Variants in FANCM observed in about 807,000 individuals in gnomAD.
FANCM encodes Fanconi anemia group M protein.
FANCM carries 140 observed loss-of-function variants against 199.5 expected under a neutral mutation model. The observed-to-expected ratio is 0.70, with a 90% CI of 0.61 to 0.81. The LOEUF is 0.81. Among genes scored for constraint, FANCM ranks in the 30% least tolerant of loss-of-function variants. The pLI is 0.00. For missense variants in FANCM, 2,410 were observed against 2,421.4 expected (o/e 1.00, Z 0.10); for synonymous variants, 840 against 836.8 (o/e 1.00, Z -0.07).
intron 3 of FANCM, 78 bp from the exon 4 acceptor site, chr14:45,148,759 T>C: frequency 1.1e-6 from 1 of 903,424 alleles, no homozygotes; most frequent in Non-Finnish European, 1.8e-6. Flanking sequence ...ATTTTACTGC[T>C]ATTTTATTTC....
chr14:45,181,734 A>G (rs758368635), intron 16 of FANCM, 29 bp downstream of exon 16: 4 of 1,407,456 alleles, frequency 2.8e-6, no homozygotes, highest in Non-Finnish European at 3.0e-6. Context: ...ATGTATAGTA[A>G]TCCAAATTCC....
At chr14:45,190,778 G>T (rs1435878311) in intron 20 of FANCM, among the ~76,000 whole-genome samples, 2 of 149,276 alleles carry the variant, frequency 1.3e-5, no homozygotes, top group East Asian at 3.9e-4. Context: ...GGAAAAGATT[G>T]ACTACATTAA....
chr14:45,184,786 T>G (rs1218223409), intron 17 of FANCM, among the ~76,000 whole-genome samples: 1 of 151,882 alleles, frequency 6.6e-6, no homozygotes, highest in East Asian at 1.9e-4. Flanking sequence ...CTTTTTTTTT[T>G]TTTTAGACAG....
In FANCM at chr14:45,137,685, A is replaced by G. The variant is rs539286026; in HGVS notation, c.681+444A>G. 5.0e-5 allele frequency: 9 copies of G among 178,276 alleles called. No homozygotes were observed. The South Asian group carries it at 7.9e-4, about 16-fold the overall frequency. The allele number at this position is 178,276 out of a possible 1,614,324, so 11.0% of individuals were successfully genotyped here. A position where few individuals can be genotyped will look rare whatever the true frequency, so the allele number is the denominator to read the frequency against. ...TGCCTTCCAGTTGAGTACTCCAGGA[A>G]TATAAAATAAGATGAAGTAGTGGGA... On this transcript the variant is annotated intron_variant, in intron 2 of 22. Coordinates refer to ENST00000267430, the MANE Select transcript of FANCM (RefSeq NM_020937.4).
Position 45,200,042 on chromosome 14 carries a change from C to T in FANCM, c.*34C>T. Reference sequence around the variant, plus strand: ...CTCAAGATGGGGTTTTCAAAGACCTCTCACAATATTAAATGCACTTCAATA... The same window carrying T: ...CTCAAGATGGGGTTTTCAAAGACCTTTCACAATATTAAATGCACTTCAATA... On this transcript the variant is annotated 3_prime_UTR_variant, in exon 23 of 23. Coordinates refer to ENST00000267430, the MANE Select transcript of FANCM (RefSeq NM_020937.4). 6.6e-7 allele frequency: 1 copy of T among 1,516,884 alleles called. No homozygotes were observed. The highest frequency in any genetic ancestry group is 1.7e-5 in the Admixed American group (1 of 59,260). 94.0% of individuals were successfully genotyped at this position (1,516,884 alleles called of 1,614,324 possible). A position where few individuals can be genotyped will look rare whatever the true frequency, so the allele number is the denominator to read the frequency against.
Position 45,151,460 on chromosome 14 carries a change from A to C in FANCM, c.982A>C (p.Asn328His), listed in dbSNP as rs1886811553. ...TGTTTTGATGAGAAGGGATATCCCA[A>C]ATCTAACAAAATATCAGATAATTCT... ...RNVLMRRDIPNLTKYQIILAR... is the reference protein window; with the variant it reads ...RNVLMRRDIPHLTKYQIILAR... Residue 328 changes from asparagine to histidine, a missense_variant, in exon 5 of 23, where the codon AAT (asparagine) becomes CAT (histidine). Physicochemically the swap from Asn to His is moderately conservative, Grantham distance 68 (BLOSUM62 1). Transcript: ENST00000267430. 6.2e-7 allele frequency: 1 copy of C among 1,612,008 alleles called. No individual in the cohort carries two copies. Among genetic ancestry groups the C allele is most frequent in the Non-Finnish European group, 8.5e-7 (1 of 1,178,124 alleles).
intron 2 of FANCM, among the ~76,000 whole-genome samples, chr14:45,139,069 C>A (rs1242983785): frequency 6.6e-6 from 1 of 152,194 alleles, no homozygotes; most frequent in Non-Finnish European, 1.5e-5. Flanking sequence ...TTAAAAGCAT[C>A]AATCCAGTAA....
intron 3 of FANCM, among the ~76,000 whole-genome samples, chr14:45,148,055 G>T (rs912204347): frequency 1.3e-4 from 20 of 152,070 alleles, no homozygotes; most frequent in African/African-American, 4.6e-4. Flanking sequence ...AAATTAGCTG[G>T]GTGTAGTGGC....
At chr14:45,179,069 C>T (rs771841582) in intron 14 of FANCM, among the ~76,000 whole-genome samples, 3 of 152,056 alleles carry the variant, frequency 2.0e-5, no homozygotes, top group East Asian at 1.9e-4. Flanking sequence ...CGTCGTGGCA[C>T]GTTCCTGTAG....
Position 45,196,273 on chromosome 14 carries a change from A to G in FANCM, c.5442A>G (p.Glu1814=), listed in dbSNP as rs763280074. Residue 1814 remains glutamate (E), a synonymous_variant, in exon 21 of 23, where the codon GAA becomes GAG. Coordinates refer to ENST00000267430, the MANE Select transcript of FANCM (RefSeq NM_020937.4). ...GTHTSLRLPQ[E]GKGTCILVGG... ...ATACTTCTCTTAGACTTCCGCAGGA[A>G]GGAAAAGGAACCTGTATTCTTGTAG... The G allele has an allele frequency of 3.1e-6, 5 of 1,614,100 alleles. No homozygotes were observed. The East Asian group carries it at 8.9e-5, about 29-fold the overall frequency.
chr14:45,184,111 G>T (rs1435710405), intron 17 of FANCM, among the ~76,000 whole-genome samples: 3 of 151,690 alleles, frequency 2.0e-5, no homozygotes, highest in African/African-American at 7.3e-5. Context: ...TTGCAGTGTT[G>T]TGTTACTTTG....
chr14:45,137,135 A>T lies in FANCM; in HGVS notation c.575A>T (p.Gln192Leu), dbSNP rs768031730. The T allele has an allele frequency of 3.1e-6, 5 of 1,613,248 alleles. No homozygotes were observed. Among genetic ancestry groups the T allele is most frequent in the Non-Finnish European group, 4.2e-6 (5 of 1,179,418 alleles). The change falls in exon 2 of 23, where the codon CAG (glutamine) becomes CTG (leucine). Residue 192 changes from glutamine to leucine, a missense_variant. Physicochemically the swap from Gln to Leu is moderately radical, Grantham distance 113. Coordinates refer to ENST00000267430, the MANE Select transcript of FANCM (RefSeq NM_020937.4). ...AAGAGAGTGCTTTTTCTTACACCTCAGGTCATGGTAAATGACCTTTCTAGA... is the reference window on the plus strand; with the variant it reads ...AAGAGAGTGCTTTTTCTTACACCTCTGGTCATGGTAAATGACCTTTCTAGA... The part of the protein sequence containing the change: ...CSKRVLFLTP[Q>L]VMVNDLSRGA...
At chr14:45,137,405 C>T in intron 2 of FANCM, 164 bp downstream of exon 2, 1 of 638,324 alleles carries the variant, frequency 1.6e-6, no homozygotes, top group South Asian at 1.9e-5. Flanking sequence ...TACTTTCTGT[C>T]ATCCATTCAA....
At chr14:45,168,364 T>G (rs1888118639) in intron 11 of FANCM, among the ~76,000 whole-genome samples, 1 of 152,146 alleles carries the variant, frequency 6.6e-6, no homozygotes, top group African/African-American at 2.4e-5. Flanking sequence ...TTTCTTGAAT[T>G]TGATAAATTA....
chr14:45,140,644 C>G lies in FANCM; in HGVS notation c.694C>G (p.Leu232Val), dbSNP rs1885849371. Residue 232 changes from leucine (L) to valine (V), a missense_variant, in exon 3 of 23, where the codon CTA (leucine) becomes GTA (valine). By Grantham distance (32) the Leu-to-Val change is conservative. Transcript: ENST00000267430. ...TTTTTTTCTTAAGGTTGTAAGAGAA[C>G]TAGTCAAATATACAAATCACTTTAG... is the stretch of plus-strand genomic sequence containing the variant. ...NYAYCQVVRE[L>V]VKYTNHFRIL... 1 of 1,587,952 alleles carries G rather than the reference C, an allele frequency of 6.3e-7. No homozygotes were observed. Among genetic ancestry groups the G allele is most frequent in the Admixed American group, 1.7e-5 (1 of 59,966 alleles).
Position 45,136,458 on chromosome 14 carries a change from A to C in FANCM, c.427A>C (p.Thr143Pro), listed in dbSNP as rs775186162. 10 of 1,614,194 alleles carry C rather than the reference A, an allele frequency of 6.2e-6. No individual in the cohort carries two copies. The highest frequency in any genetic ancestry group is 8.5e-6 in the Non-Finnish European group (10 of 1,180,028). The change falls in exon 1 of 23, where the codon ACG (threonine) becomes CCG (proline). Residue 143 changes from threonine (T) to proline (P), a missense_variant. Transcript: ENST00000267430. ...AGGAAAGGTGGTCTTCATGGCCCCA[A>C]CGAAACCCTTGGTGACACAGCAGAT... ...PSGKVVFMAPTKPLVTQQIEA... is the reference protein window; with the variant it reads ...PSGKVVFMAPPKPLVTQQIEA...
intron 9 of FANCM, 79 bp downstream of exon 9, chr14:45,159,359 T>C (rs933187743): frequency 1.8e-5 from 18 of 1,027,104 alleles, no homozygotes; most frequent in Admixed American, 6.5e-5. Context: ...TAGTTTTAAC[T>C]CACTGGTCAA....
intron 20 of FANCM, among the ~76,000 whole-genome samples, chr14:45,192,690 A>C (rs1014377567): frequency 6.6e-6 from 1 of 152,082 alleles, no homozygotes; most frequent in Non-Finnish European, 1.5e-5. Flanking sequence ...TTAGCCTGGC[A>C]TGCTGGTGCA....
At chr14:45,168,686 G>A (rs1049303412) in intron 11 of FANCM, among the ~76,000 whole-genome samples, 1 of 148,436 alleles carries the variant, frequency 6.7e-6, no homozygotes, top group Non-Finnish European at 1.5e-5. Context: ...ATACACTAGT[G>A]TATTTATACT....
Sources: gnomAD v4.1 joint callset for allele counts (sites outside exome capture counted in the v4.1 genomes callset) on GRCh38, gnomAD v4.1.1 for gene constraint, MANE v1.5 for transcripts, NCBI Gene and HGNC (gene_info 2026-07-23, HGNC 2026-07-21) for gene names.